Variants in ZNF599 observed in about 807,000 individuals in gnomAD.
ZNF599 encodes the protein zinc finger protein 599.
A neutral mutation model predicts 11.7 loss-of-function variants in ZNF599; 10 were observed. The ratio of observed to expected loss-of-function variants is 0.86; its 90% confidence interval spans 0.53 to 1.45. The LOEUF is 1.45. Ranked by LOEUF, ZNF599 falls within the 40% of genes most tolerant of loss-of-function variation. The probability of loss-of-function intolerance (pLI) is 0.00; values close to 1 mark genes in which losing one functional copy is unlikely to be tolerated. For missense variants in ZNF599, 688 were observed against 713.6 expected (o/e 0.96, Z 0.41); for synonymous variants, 232 against 253.2 (o/e 0.92, Z 0.79).
the ZNF599 span, among the ~76,000 whole-genome samples, chr19:34,800,599 T>TTTC: frequency 6.9e-6 from 1 of 145,346 alleles, no homozygotes; most frequent in African/African-American, 2.6e-5. Flanking sequence ...TTTTTTTTTT[T>TTTC]TTTTTTCTTT....
At chr19:34,800,698 C>A in the ZNF599 span, among the ~76,000 whole-genome samples, 1 of 147,250 alleles carries the variant, frequency 6.8e-6, no homozygotes, top group Non-Finnish European at 1.5e-5. Flanking sequence ...CGGGTCCAAG[C>A]AATTCTCCTG....
the ZNF599 span, among the ~76,000 whole-genome samples, chr19:34,804,694 C>G: frequency 1.3e-5 from 2 of 152,178 alleles, no homozygotes; most frequent in African/African-American, 4.8e-5. Flanking sequence ...TCCCATATAC[C>G]CACTGAAAAT....
At chr19:34,794,651 A>G in the ZNF599 span, among the ~76,000 whole-genome samples, 3 of 151,166 alleles carry the variant, frequency 2.0e-5, no homozygotes, top group Non-Finnish European at 4.4e-5. Flanking sequence ...GCTCACTGCA[A>G]CCTCCACCTC....
At chr19:34,769,655 A>T in intron 1 of ZNF599, 100 bp from the exon 2 acceptor site, 6 of 1,425,112 alleles carry the variant, frequency 4.2e-6, no homozygotes, top group Non-Finnish European at 5.7e-6. Context: ...ACCCTGAACC[A>T]CTGAGCAACT....
chr19:34,797,583 C>T, the ZNF599 span, among the ~76,000 whole-genome samples: 5 of 152,056 alleles, frequency 3.3e-5, no homozygotes, highest in East Asian at 9.6e-4. Context: ...AGCATTTTTT[C>T]ATGTGTCTTT....
the ZNF599 span, among the ~76,000 whole-genome samples, chr19:34,789,417 G>A: frequency 6.6e-6 from 1 of 152,156 alleles, no homozygotes; most frequent in Non-Finnish European, 1.5e-5. Flanking sequence ...TTACTTTTTT[G>A]AGAAACTTCC....
At chr19:34,789,542 A>G in the ZNF599 span, among the ~76,000 whole-genome samples, 2 of 152,192 alleles carry the variant, frequency 1.3e-5, no homozygotes, top group Non-Finnish European at 2.9e-5. Flanking sequence ...GATAACAGCC[A>G]TTCTAACAGA....
At chr19:34,798,994 G>A in the ZNF599 span, among the ~76,000 whole-genome samples, 14 of 151,904 alleles carry the variant, frequency 9.2e-5, no homozygotes, top group African/African-American at 2.9e-4. Context: ...AATTGGAATC[G>A]TACTATACAC....
chr19:34,765,397 T>C (rs2069136353), intron 3 of ZNF599: 1 of 587,476 alleles, frequency 1.7e-6, no homozygotes, highest in Non-Finnish European at 3.0e-6. Flanking sequence ...CTGATGGTGA[T>C]GATGAGCTAT....
At position 34,763,491 on chromosome 19, in the gene ZNF599, G is replaced by C. The variant is rs567832895; in HGVS notation, c.242-2932C>G. ...GCCTGGCCAACATGGTAAACTTCTTGTAAGAAGTGAAGGCACTGAGGGAAG... is the reference window on the plus strand; with the variant it reads ...GCCTGGCCAACATGGTAAACTTCTTCTAAGAAGTGAAGGCACTGAGGGAAG... On this transcript the variant is annotated intron_variant, in intron 3 of 3. Transcript: ENST00000329285. 95 of 151,918 alleles carry C rather than the reference G, an allele frequency of 6.3e-4. 2 individuals are homozygous for C. Among genetic ancestry groups the C allele is most frequent in the African/African-American group, 2.3e-3 (94 of 41,432 alleles). 9.4% of individuals were successfully genotyped at this position (151,918 alleles called of 1,614,324 possible).
At position 34,769,988 on chromosome 19, in the gene ZNF599, C is replaced by A. The variant is rs560553748; in HGVS notation, c.19-433G>T. On this transcript the variant is annotated intron_variant, in intron 1 of 3. Coordinates refer to ENST00000329285, the MANE Select transcript of ZNF599 (RefSeq NM_001007248.3). ...TCAGGCTCCTGAAGTTTAAATCCAG[C>A]CTCTTGAACCAACCTGCCAGATGTG... Among the ~76,000 whole-genome samples the A allele has an allele frequency of 2.0e-5, 3 of 152,334 alleles. No homozygotes were observed. In the East Asian group the frequency reaches 5.8e-4, roughly 29 times the overall value.
the ZNF599 span, among the ~76,000 whole-genome samples, chr19:34,806,146 C>A: frequency 6.6e-6 from 1 of 152,090 alleles, no homozygotes; most frequent in African/African-American, 2.4e-5. Flanking sequence ...GCCACAGGAA[C>A]CTGTGGGAAG....
the ZNF599 span, among the ~76,000 whole-genome samples, chr19:34,792,680 G>A: frequency 6.6e-6 from 1 of 152,010 alleles, no homozygotes; most frequent in African/African-American, 2.4e-5. Context: ...TGGCTAACAC[G>A]GTGAAAACCC....
intron 1 of ZNF599, among the ~76,000 whole-genome samples, chr19:34,770,616 C>T (rs1482100679): frequency 6.6e-6 from 1 of 152,210 alleles, no homozygotes; most frequent in African/African-American, 2.4e-5. Flanking sequence ...CTTCCTGAGC[C>T]ACGGTTAGCA....
chr19:34,790,870 A>G, the ZNF599 span, among the ~76,000 whole-genome samples: 1 of 152,202 alleles, frequency 6.6e-6, no homozygotes, highest in East Asian at 1.9e-4. Flanking sequence ...ATAAATTCAT[A>G]TTATTTGTCA....
intron 3 of ZNF599, chr19:34,765,433 G>T (rs1286902820): frequency 3.2e-6 from 2 of 629,292 alleles, no homozygotes; most frequent in Non-Finnish European, 5.7e-6. Context: ...CGCCTGAGAG[G>T]ACCCAGCTAA....
At chr19:34,763,760 T>G (rs1233178426) in intron 3 of ZNF599, 1 of 152,158 alleles carries the variant, frequency 6.6e-6, no homozygotes, top group Non-Finnish European at 1.5e-5. Flanking sequence ...AGTTCCTGCC[T>G]ACAAGTTGTT....
At chr19:34,791,846 C>T in the ZNF599 span, 1 of 152,242 alleles carries the variant, frequency 6.6e-6, no homozygotes, top group Non-Finnish European at 1.5e-5. Flanking sequence ...TGAGAGGCCT[C>T]TCTTCACCAC....
chr19:34,759,688 T>C lies in ZNF599; in HGVS notation c.1113A>G (p.Glu371=), dbSNP rs1166161092. The C allele has an allele frequency of 1.2e-6, 2 of 1,614,204 alleles. No homozygotes were observed. Among genetic ancestry groups the C allele is most frequent in the South Asian group, 2.2e-5 (2 of 91,078 alleles). The change falls in exon 4 of 4, where the codon GAA becomes GAG. Residue 371 remains glutamate (E), a synonymous_variant. Coordinates refer to ENST00000329285, the MANE Select transcript of ZNF599 (RefSeq NM_001007248.3). ...AGTTGAGGCAAAAGGTTTTTCCACA[T>C]TCTTTACATAAAAATGGTTTTTCTC... ...HTGEKPFLCK[E]CGKTFCLNSS...
Sources: allele counts gnomAD v4.1 joint callset (sites outside exome capture counted in the v4.1 genomes callset), GRCh38; gene constraint gnomAD v4.1.1; transcripts MANE v1.5; gene names NCBI Gene and HGNC (gene_info 2026-07-23, HGNC 2026-07-21).